BTN2A2: variants seen among roughly 807,000 people sequenced by gnomAD.
The protein encoded by BTN2A2 is butyrophilin subfamily 2 member A2, also known as butyrophilin 2.
Under a neutral mutation model 34.7 loss-of-function variants are expected in BTN2A2, and 29 were observed. The observed-to-expected ratio is 0.84, with a 90% CI of 0.62 to 1.14. The LOEUF is 1.14. BTN2A2 is among the 50% of genes most tolerant of loss of function. BTN2A2 has a pLI of 0.00. For missense variants in BTN2A2, 612 were observed against 651.5 expected (o/e 0.94, Z 0.66); for synonymous variants, 240 against 253.1 (o/e 0.95, Z 0.49).
At position 26,388,102 on chromosome 6, in the gene BTN2A2, C is replaced by T; in HGVS notation, c.532C>T (p.Pro178Ser). ...CATATCTGGAGGGTGGTACCCAGAGCCCCTCACAGTGTGGAGGGACCCCTA... is the reference window on the plus strand; with the variant it reads ...CATATCTGGAGGGTGGTACCCAGAGTCCCTCACAGTGTGGAGGGACCCCTA... ...ECISGGWYPE[P>S]LTVWRDPYGE... The change falls in exon 4 of 8, where the codon CCC (proline) becomes TCC (serine). Residue 178 changes from proline (P) to serine (S), a missense_variant. By Grantham distance (74) the Pro-to-Ser change is moderately conservative. Coordinates refer to ENST00000356709, the MANE Select transcript of BTN2A2 (RefSeq NM_006995.5). 8.1e-6 allele frequency: 13 copies of T among 1,613,980 alleles called. No individual in the cohort carries two copies. The highest frequency in any genetic ancestry group is 2.2e-5 in the East Asian group (1 of 44,886).
chr6:26,387,988 G>A (rs1224445739), intron 3 of BTN2A2, 25 bp from the exon 4 acceptor site: 30 of 1,594,326 alleles, frequency 1.9e-5, no homozygotes, highest in Non-Finnish European at 2.4e-5. Flanking sequence ...CTGCCTTTTG[G>A]CTGAGCCCTG....
chr6:26,386,195 T>C (rs1761191421), intron 3 of BTN2A2, among the ~76,000 whole-genome samples: 1 of 152,156 alleles, frequency 6.6e-6, no homozygotes, highest in Non-Finnish European at 1.5e-5. Flanking sequence ...TCCTGCTAAC[T>C]CCACAGAGAA....
rs1761114836 is a variant in BTN2A2, at chr6:26,385,229, G to A, written c.309G>A (p.Val103=). 3 of 1,614,018 alleles carry A rather than the reference G, an allele frequency of 1.9e-6. No homozygotes were observed. The highest frequency in any genetic ancestry group is 2.7e-5 in the African/African-American group (2 of 74,896). The change falls in exon 3 of 8, where the codon GTG becomes GTA. Residue 103 remains valine, a synonymous_variant. Coordinates refer to ENST00000356709, the MANE Select transcript of BTN2A2 (RefSeq NM_006995.5). The part of the protein sequence containing the change: ...MEEYRGRITF[V]SKDINRGSVA... ...AGTACCGGGGAAGAATCACCTTTGT[G>A]AGCAAAGACATCAACAGGGGCAGCG...
intron 5 of BTN2A2, 166 bp from the exon 6 acceptor site, chr6:26,390,521 C>A: frequency 2.3e-6 from 2 of 871,668 alleles, no homozygotes; most frequent in Admixed American, 2.1e-5. Context: ...TACTACCCAG[C>A]CATCTGATCA....
In BTN2A2 at chr6:26,383,620, T is replaced by G; in HGVS notation, c.-30-172T>G. 1 of 613,050 alleles carries G rather than the reference T, an allele frequency of 1.6e-6. No homozygotes were observed. Among genetic ancestry groups the G allele is most frequent in the Non-Finnish European group, 2.9e-6 (1 of 343,654 alleles). 38.0% of individuals were successfully genotyped at this position (613,050 alleles called of 1,614,324 possible). ...CTTGATCTCTGCATTGATGGCTTAC[T>G]TATGGAATGTTTACGGAATCCCTCT... On this transcript the variant is annotated intron_variant, in intron 1 of 7. Coordinates refer to ENST00000356709, the MANE Select transcript of BTN2A2 (RefSeq NM_006995.5). This position sits in a 1 kb window ranked among gnomAD's most constrained non-coding sequence, Gnocchi z 4.4.
At chr6:26,388,560 A>T (rs143515219) in intron 4 of BTN2A2, among the ~76,000 whole-genome samples, 4 of 152,196 alleles carry the variant, frequency 2.6e-5, no homozygotes, top group African/African-American at 7.2e-5. Flanking sequence ...ACAGTTGTAA[A>T]ATATTAAGGA....
At chr6:26,392,022 T>G in intron 7 of BTN2A2, 1 of 618,596 alleles carries the variant, frequency 1.6e-6, no homozygotes, top group Non-Finnish European at 2.8e-6. Flanking sequence ...TTGGAAAGTT[T>G]CTAACTAAAG....
rs147634987 is a variant in BTN2A2 at position 26,392,756 on chromosome 6, C to T, written c.1361C>T (p.Ala454Val). 47 of 1,614,224 alleles carry T rather than the reference C, an allele frequency of 2.9e-5. No homozygotes were observed. Among genetic ancestry groups the T allele is most frequent in the Middle Eastern group, 1.6e-4 (1 of 6,062 alleles). ...GTGGGCGTCTTCCTGGACTATGAAG[C>T]TGGAGATGTCTCCTTCTACAACATG... Reference protein sequence around the residue: ...CRVGVFLDYEAGDVSFYNMRD... With the variant: ...CRVGVFLDYEVGDVSFYNMRD... The change falls in exon 8 of 8, where the codon GCT (alanine) becomes GTT (valine). Residue 454 changes from alanine to valine, a missense_variant. Ala to Val is a moderately conservative substitution (Grantham distance 64, BLOSUM62 0). Coordinates refer to ENST00000356709, the MANE Select transcript of BTN2A2 (RefSeq NM_006995.5).
Position 26,385,357 on chromosome 6 carries a change from T to C in BTN2A2, c.437T>C (p.Val146Ala), listed in dbSNP as rs1761126749. ...SYDEAILRLV[V>A]AGLGSKPLIE... ...GATGAGGCCATCCTACGCCTCGTGG[T>C]GGCAGGTGCATCACTTCATTTTGCT... Residue 146 changes from valine to alanine, a missense_variant, in exon 3 of 8, where the codon GTG becomes GCG. By Grantham distance (64) the Val-to-Ala change is moderately conservative. Transcript: ENST00000356709. 6.2e-7 allele frequency: 1 copy of C among 1,612,154 alleles called. No individual in the cohort carries two copies. Among genetic ancestry groups the C allele is most frequent in the African/African-American group, 1.3e-5 (1 of 74,882 alleles).
chr6:26,386,929 G>A (rs1321794294), intron 3 of BTN2A2, among the ~76,000 whole-genome samples: 4 of 152,212 alleles, frequency 2.6e-5, no homozygotes, highest in Non-Finnish European at 5.9e-5. Context: ...AGAGCAGAAA[G>A]CACTAGGCTT....
chr6:26,392,988 A>G lies in BTN2A2; in HGVS notation c.*21A>G. ...TATAGAATCAATTCCTTGGACTCAC[A>G]GCCATGCAGATAAGCCCTGGCCATC... On this transcript the variant is annotated 3_prime_UTR_variant, in exon 8 of 8. Transcript: ENST00000356709. The G allele has an allele frequency of 6.2e-7, 1 of 1,614,010 alleles. No individual in the cohort carries two copies. Among genetic ancestry groups the G allele is most frequent in the Non-Finnish European group, 8.5e-7 (1 of 1,179,946 alleles).
At position 26,388,189 on chromosome 6, in the gene BTN2A2, G is replaced by A; in HGVS notation, c.619G>A (p.Val207Ile). Reference sequence around the variant, plus strand: ...CGCTGATGCTGACGGCCTCTTCATGGTCACCACAGCTGTGATCATCAGAGA... The same window carrying A: ...CGCTGATGCTGACGGCCTCTTCATGATCACCACAGCTGTGATCATCAGAGA... ...SIADADGLFM[V>I]TTAVIIRDKY... The change falls in exon 4 of 8, where the codon GTC becomes ATC. Residue 207 changes from valine to isoleucine, a missense_variant. Transcript: ENST00000356709. 9 of 1,614,184 alleles carry A rather than the reference G, an allele frequency of 5.6e-6. No individual in the cohort carries two copies. Among genetic ancestry groups the A allele is most frequent in the Non-Finnish European group, 7.6e-6 (9 of 1,180,028 alleles).
chr6:26,385,841 C>A (rs916593039), intron 3 of BTN2A2, among the ~76,000 whole-genome samples: 1 of 152,200 alleles, frequency 6.6e-6, no homozygotes, highest in Non-Finnish European at 1.5e-5. Flanking sequence ...TGCGCCACCA[C>A]GCCCAGCCTG....
rs760284894 is a variant in BTN2A2, at chr6:26,388,164, C to T, written c.594C>T (p.Ile198=). ...TGCCCGCCCTGAAGGAGGTTTCCAT[C>T]GCTGATGCTGACGGCCTCTTCATGG... The part of the protein sequence containing the change: ...EVVPALKEVS[I]ADADGLFMVT... The change falls in exon 4 of 8, where the codon ATC becomes ATT. Residue 198 remains isoleucine, a synonymous_variant. Transcript: ENST00000356709. 30 of 1,614,192 alleles carry T rather than the reference C, an allele frequency of 1.9e-5. No individual in the cohort carries two copies. Among genetic ancestry groups the T allele is most frequent in the South Asian group, 1.4e-4 (13 of 91,076 alleles).
At chr6:26,389,491 G>A in intron 4 of BTN2A2, among the ~76,000 whole-genome samples, 1 of 152,230 alleles carries the variant, frequency 6.6e-6, no homozygotes, top group East Asian at 1.9e-4. Flanking sequence ...AGTTCAGGAA[G>A]TAGGGGGAGA....
chr6:26,394,106 A>C lies in BTN2A2; in HGVS notation c.*1139A>C. ...TATCATAGGTCATGTTAGCTCAAAA[A>C]AACTTTACTGCACACTACTGAGAGA... On this transcript the variant is annotated 3_prime_UTR_variant, in exon 8 of 8. Coordinates refer to ENST00000356709, the MANE Select transcript of BTN2A2 (RefSeq NM_006995.5). 1 of 504,672 alleles carries C rather than the reference A, an allele frequency of 2.0e-6. No homozygotes were observed. The allele number at this position is 504,672 out of a possible 1,614,324, so 31.3% of individuals were successfully genotyped here. A position where few individuals can be genotyped will look rare whatever the true frequency, so the allele number is the denominator to read the frequency against.
In BTN2A2 at chr6:26,392,854, G is replaced by C. The variant is rs2113767897; in HGVS notation, c.1459G>C (p.Gly487Arg). 6.2e-7 allele frequency: 1 copy of C among 1,614,192 alleles called. No homozygotes were observed. Among genetic ancestry groups the C allele is most frequent in the East Asian group, 2.2e-5 (1 of 44,884 alleles). Residue 487 changes from glycine (G) to arginine (R), a missense_variant, in exon 8 of 8, where the codon GGG becomes CGG. By Grantham distance (125) the Gly-to-Arg change is moderately radical. Coordinates refer to ENST00000356709, the MANE Select transcript of BTN2A2 (RefSeq NM_006995.5). ...GCCTGTGAGGCCCTTCTTCAGGTTAGGGTCTGATGACAGCCCCATCTTCAT... is the reference window on the plus strand; with the variant it reads ...GCCTGTGAGGCCCTTCTTCAGGTTACGGTCTGATGACAGCCCCATCTTCAT... ...TVPVRPFFRL[G>R]SDDSPIFICP...
Position 26,390,082 on chromosome 6 carries a change from A to T in BTN2A2, c.802A>T (p.Met268Leu). ...ILTASPWMVS[M>L]TVILAVFIIF... ...GACCGCATCTCCCTGGATGGTGTCC[A>T]TGACTGTCATCCTGGCTGTTTTCAT... The change falls in exon 5 of 8, where the codon ATG becomes TTG. Residue 268 changes from methionine to leucine, a missense_variant. Coordinates refer to ENST00000356709, the MANE Select transcript of BTN2A2 (RefSeq NM_006995.5). The T allele has an allele frequency of 6.2e-7, 1 of 1,614,190 alleles. No homozygotes were observed. Among genetic ancestry groups the T allele is most frequent in the Non-Finnish European group, 8.5e-7 (1 of 1,180,036 alleles).
chr6:26,384,802 T>C lies in BTN2A2; in HGVS notation c.95-213T>C, dbSNP rs1243791283. Among the ~76,000 whole-genome samples the C allele has an allele frequency of 3.3e-5, 5 of 152,186 alleles. No homozygotes were observed. The highest frequency in any genetic ancestry group is 5.9e-5 in the Non-Finnish European group (4 of 68,028). ...CTTCGTGAAGCAGGAGCAGCCTCAA[T>C]AGTTACTGCTCCCAGGGGTTGGTGC... is the stretch of plus-strand genomic sequence containing the variant. On this transcript the variant is annotated intron_variant, in intron 2 of 7. Coordinates refer to ENST00000356709, the MANE Select transcript of BTN2A2 (RefSeq NM_006995.5). This position sits in a 1 kb window ranked among gnomAD's most constrained non-coding sequence, Gnocchi z 4.0.
Sources: gnomAD v4.1 joint callset for allele counts (sites outside exome capture counted in the v4.1 genomes callset) on GRCh38, gnomAD v4.1.1 for gene constraint, Gnocchi (gnomAD v3.1) non-coding constraint, MANE v1.5 for transcripts, NCBI Gene and HGNC (gene_info 2026-07-23, HGNC 2026-07-21) for gene names.